Variants in CAMK4 observed in about 807,000 individuals in gnomAD.
CAMK4 encodes the protein calcium/calmodulin dependent protein kinase IV, also known as calcium/calmodulin-dependent protein kinase type IV.
Under a neutral mutation model 44.9 loss-of-function variants are expected in CAMK4, and 22 were observed. The observed-to-expected ratio is 0.49, with a 90% CI of 0.35 to 0.70. CAMK4 has a LOEUF of 0.70. Ranked by LOEUF, CAMK4 falls within the 30% of genes least tolerant of loss-of-function variation. The pLI is 0.01. For synonymous variants in CAMK4, 218 were observed against 215.4 expected (o/e 1.01, Z -0.11); for missense variants, 498 against 586.8 (o/e 0.85, Z 1.56).
chr5:111,320,314 A>G (rs1748606490), intron 1 of CAMK4, among the ~76,000 whole-genome samples: 1 of 152,138 alleles, frequency 6.6e-6, no homozygotes, highest in African/African-American at 2.4e-5. Flanking sequence ...TTTCCATTCT[A>G]GAAAGATTGT....
intron 5 of CAMK4, among the ~76,000 whole-genome samples, chr5:111,425,899 C>T (rs546921950): frequency 1.3e-5 from 2 of 152,024 alleles, no homozygotes; most frequent in East Asian, 1.9e-4. Context: ...GGAATAGATA[C>T]TTTTTTTAAA....
At chr5:111,230,237 G>A (rs1307290771) in intron 1 of CAMK4, among the ~76,000 whole-genome samples, 2 of 152,112 alleles carry the variant, frequency 1.3e-5, no homozygotes, top group Non-Finnish European at 2.9e-5. Flanking sequence ...TCTGTAGCTT[G>A]CTGTTGTTAA....
At chr5:111,314,691 A>T (rs73232013) in intron 1 of CAMK4, among the ~76,000 whole-genome samples, 9,910 of 152,138 alleles carry the variant, frequency 0.065, 1,085 homozygotes, top group African/African-American at 0.23. Flanking sequence ...CTGTTCTTGA[A>T]TATGATTGAA....
At chr5:111,445,928 A>G (rs1754011467) in intron 5 of CAMK4, among the ~76,000 whole-genome samples, 1 of 152,202 alleles carries the variant, frequency 6.6e-6, no homozygotes. Context: ...ATGAGGGATT[A>G]CTTTTGAAGA....
rs1193080895 is a variant in CAMK4 at position 111,489,438 on chromosome 5, T to TTATC, written c.*4974_*4977dup. The TTATC allele has an allele frequency of 6.6e-6, 1 of 152,218 alleles. No homozygotes were observed. Among genetic ancestry groups the TTATC allele is most frequent in the Non-Finnish European group, 1.5e-5 (1 of 68,040 alleles). The allele number at this position is 152,218 out of a possible 1,614,324, so 9.4% of individuals were successfully genotyped here. The stretch of plus-strand genomic sequence containing the variant: ...TCATAAAGCTTGGCCATGTCTATAC[T>TTATC]TATCTTGGAGAGCAATAACAAACTT... On this transcript the variant is annotated 3_prime_UTR_variant, in exon 11 of 11. Coordinates refer to ENST00000282356, the MANE Select transcript of CAMK4 (RefSeq NM_001744.6).
chr5:111,332,883 A>G (rs953516442), intron 1 of CAMK4, among the ~76,000 whole-genome samples: 2 of 151,720 alleles, frequency 1.3e-5, no homozygotes, highest in African/African-American at 4.8e-5. Context: ...TTGGTTTGAA[A>G]TAGTTAAAAA....
chr5:111,401,121 C>T (rs1752208211), intron 5 of CAMK4, among the ~76,000 whole-genome samples: 1 of 152,122 alleles, frequency 6.6e-6, no homozygotes, highest in Non-Finnish European at 1.5e-5. Flanking sequence ...CATAGTACTG[C>T]TCTGCTCTTC....
intron 4 of CAMK4, among the ~76,000 whole-genome samples, chr5:111,391,058 T>C (rs1435588840): frequency 1.3e-5 from 2 of 152,156 alleles, no homozygotes; most frequent in African/African-American, 4.8e-5. Context: ...GTACAAGGGG[T>C]GCACCTGCAG....
At chr5:111,322,137 G>T (rs921606323) in intron 1 of CAMK4, among the ~76,000 whole-genome samples, 3 of 152,078 alleles carry the variant, frequency 2.0e-5, no homozygotes, top group Admixed American at 6.6e-5. Flanking sequence ...ATCATTGAGA[G>T]AAGGGAAACA....
rs3066628 is a variant in CAMK4 at position 111,249,666 on chromosome 5, ATGTGTGTGTGTGTG to A, written c.161+25048_161+25061del. On this transcript the variant is annotated intron_variant, in intron 1 of 10. Transcript: ENST00000282356. Reference sequence around the variant, plus strand: ...TATATGTGTGTGTGTGTGTATATATATGTGTGTGTGTGTGTGTGTGTGTGTGTGTGTGTGTGTGT... The same window carrying A: ...TATATGTGTGTGTGTGTGTATATATATGTGTGTGTGTGTGTGTGTGTGTGT... Among the ~76,000 whole-genome samples the A allele has an allele frequency of 2.8e-3, 398 of 140,732 alleles. 7 individuals are homozygous for A. The highest frequency in any genetic ancestry group is 0.025 in the Admixed American group (343 of 13,908). The allele number at this position is 140,732 out of a possible 152,430, so 92.3% of individuals were successfully genotyped here.
At chr5:111,413,729 A>G (rs1752711874) in intron 5 of CAMK4, among the ~76,000 whole-genome samples, 1 of 152,162 alleles carries the variant, frequency 6.6e-6, no homozygotes, top group South Asian at 2.1e-4. Context: ...GAGTCAGTAG[A>G]TTTGGTTTCA....
At chr5:111,297,109 T>C (rs1335248193) in intron 1 of CAMK4, among the ~76,000 whole-genome samples, 1 of 152,230 alleles carries the variant, frequency 6.6e-6, no homozygotes, top group Non-Finnish European at 1.5e-5. Flanking sequence ...TTCAGACACT[T>C]TTTAAAACTA....
intron 1 of CAMK4, among the ~76,000 whole-genome samples, chr5:111,317,102 C>G (rs544244346): frequency 6.6e-6 from 1 of 151,942 alleles, no homozygotes; most frequent in Non-Finnish European, 1.5e-5. Context: ...GGCTTGGAAC[C>G]GAAGACACCA....
In CAMK4 at chr5:111,436,380, C is replaced by T. The variant is rs111563507; in HGVS notation, c.460-10306C>T. Reference sequence around the variant, plus strand: ...GCCACTGTCAGTGTGTTCTTTGTGACCTCTTCTCTTGTCTACTACTCTAAC... The same window carrying T: ...GCCACTGTCAGTGTGTTCTTTGTGATCTCTTCTCTTGTCTACTACTCTAAC... On this transcript the variant is annotated intron_variant, in intron 5 of 10. Coordinates refer to ENST00000282356, the MANE Select transcript of CAMK4 (RefSeq NM_001744.6). Among the ~76,000 whole-genome samples the T allele has an allele frequency of 9.4e-3, 1,430 of 152,212 alleles. 14 individuals are homozygous for T. Among genetic ancestry groups the T allele is most frequent in the Non-Finnish European group, 0.015 (1,024 of 68,008 alleles).
In CAMK4 at chr5:111,375,197, A is replaced by G. The variant is rs530409222; in HGVS notation, c.303+285A>G. 4.6e-5 allele frequency among the ~76,000 whole-genome samples: 7 copies of G among 152,302 alleles called. No individual in the cohort carries two copies. The East Asian group carries it at 1.2e-3, about 25-fold the overall frequency. The stretch of plus-strand genomic sequence containing the variant: ...TCGAAGAGTTTTGTTTTTCTCCAAC[A>G]AAACACTGGCTTTTTCCTTCTTTTG... On this transcript the variant is annotated intron_variant, in intron 3 of 10. Transcript: ENST00000282356.
intron 7 of CAMK4, among the ~76,000 whole-genome samples, chr5:111,471,038 CT>C (rs1755046072): frequency 6.6e-6 from 1 of 152,206 alleles, no homozygotes; most frequent in African/African-American, 2.4e-5. Flanking sequence ...GTAGCCATTG[CT>C]TTGATTGTGC....
chr5:111,301,809 G>C (rs796893587), intron 1 of CAMK4, among the ~76,000 whole-genome samples: 2 of 152,012 alleles, frequency 1.3e-5, no homozygotes, highest in South Asian at 4.1e-4. Flanking sequence ...TTATTTTTAG[G>C]ATTCAACTAA....
At chr5:111,379,155 A>T (rs1355853766) in intron 4 of CAMK4, among the ~76,000 whole-genome samples, 1 of 152,170 alleles carries the variant, frequency 6.6e-6, no homozygotes, top group Admixed American at 6.6e-5. Context: ...TTTTTAAATT[A>T]TAAATAATTG....
At chr5:111,267,065 G>A (rs1224086651) in intron 1 of CAMK4, among the ~76,000 whole-genome samples, 2 of 151,980 alleles carry the variant, frequency 1.3e-5, no homozygotes, top group Non-Finnish European at 2.9e-5. Context: ...CACATCTTTG[G>A]TCAGTAGGAG....
Sources: allele counts gnomAD v4.1 joint callset (sites outside exome capture counted in the v4.1 genomes callset), GRCh38; gene constraint gnomAD v4.1.1; transcripts MANE v1.5; gene names NCBI Gene and HGNC (gene_info 2026-07-23, HGNC 2026-07-21).